The following RAB3B variants were observed in gnomAD, a reference collection of about 807,000 sequenced individuals.
RAB3B encodes the protein RAB3B, member RAS oncogene family, also known as ras-related protein Rab-3B.
RAB3B carries 11 observed loss-of-function variants against 20.5 expected under a neutral mutation model. The observed-to-expected ratio is 0.54, with a 90% CI of 0.34 to 0.89. The LOEUF (loss-of-function observed/expected upper bound fraction) is 0.89. Ranked by LOEUF, RAB3B falls within the 40% of genes least tolerant of loss-of-function variation. The pLI is 0.02. For missense variants in RAB3B, 225 were observed against 280.9 expected (o/e 0.80, Z 1.42); for synonymous variants, 99 against 106.3 (o/e 0.93, Z 0.42).
chr1:51,925,460 A>G (rs1195813730), intron 4 of RAB3B, among the ~76,000 whole-genome samples: 1 of 152,216 alleles, frequency 6.6e-6, no homozygotes, highest in Non-Finnish European at 1.5e-5. Flanking sequence ...TGGAATTGAA[A>G]GAGGTCTGAT....
At chr1:51,950,273 G>A (rs1684620564) in intron 2 of RAB3B, among the ~76,000 whole-genome samples, 1 of 152,208 alleles carries the variant, frequency 6.6e-6, no homozygotes, top group Non-Finnish European at 1.5e-5. Flanking sequence ...TCAGGGACCT[G>A]TCCCTATCTG....
intron 2 of RAB3B, among the ~76,000 whole-genome samples, chr1:51,975,884 C>T (rs1258155940): frequency 2.0e-5 from 3 of 151,870 alleles, no homozygotes; most frequent in South Asian, 4.2e-4. Flanking sequence ...CCCAGCTACT[C>T]GGGAGGCTGA....
At chr1:51,975,645 G>C (rs908368525) in intron 2 of RAB3B, among the ~76,000 whole-genome samples, 2 of 152,228 alleles carry the variant, frequency 1.3e-5, no homozygotes, top group African/African-American at 4.8e-5. Flanking sequence ...TGGGAACGAA[G>C]TAAGGCCTTC....
chr1:51,959,422 G>A (rs184951290), intron 2 of RAB3B, among the ~76,000 whole-genome samples: 2,220 of 152,262 alleles, frequency 0.015, 28 homozygotes, highest in Non-Finnish European at 0.019. Flanking sequence ...TGTGGTGGGA[G>A]GACGGCTTGA....
At chr1:51,981,787 T>C (rs1685092194) in intron 1 of RAB3B, among the ~76,000 whole-genome samples, 1 of 152,212 alleles carries the variant, frequency 6.6e-6, no homozygotes, top group African/African-American at 2.4e-5. Flanking sequence ...GGTAACATTG[T>C]AGCACAACAC....
intron 2 of RAB3B, among the ~76,000 whole-genome samples, chr1:51,948,187 A>C (rs1684589221): frequency 6.6e-6 from 1 of 152,218 alleles, no homozygotes; most frequent in Non-Finnish European, 1.5e-5. Flanking sequence ...AAAAACGGCA[A>C]CTTAGGCTTG....
intron 2 of RAB3B, among the ~76,000 whole-genome samples, chr1:51,958,345 T>C (rs2124285482): frequency 6.6e-6 from 1 of 152,290 alleles, no homozygotes; most frequent in South Asian, 2.1e-4. Context: ...AGACCTCCTC[T>C]TGTGATCAAA....
At chr1:51,965,867 A>G (rs1176628449) in intron 2 of RAB3B, among the ~76,000 whole-genome samples, 2 of 152,170 alleles carry the variant, frequency 1.3e-5, no homozygotes, top group African/African-American at 4.8e-5. Context: ...ATAAAATGTT[A>G]ACATTAGGGC....
At chr1:51,946,105 GATA>G (rs1338172039) in intron 2 of RAB3B, among the ~76,000 whole-genome samples, 2 of 152,160 alleles carry the variant, frequency 1.3e-5, no homozygotes, top group Non-Finnish European at 2.9e-5. Context: ...GTGAGGTGGT[GATA>G]ATAATATTAT....
At chr1:51,943,997 C>G (rs1684529747) in intron 2 of RAB3B, among the ~76,000 whole-genome samples, 1 of 152,150 alleles carries the variant, frequency 6.6e-6, no homozygotes, top group Admixed American at 6.5e-5. Context: ...GTAGACAAAA[C>G]AGCACTGGAA....
In RAB3B at chr1:51,918,465, C is replaced by T. The variant is rs188178911; in HGVS notation, c.*1462G>A. The T allele has an allele frequency of 2.0e-5, 3 of 152,286 alleles. No homozygotes were observed. The highest frequency in any genetic ancestry group is 2.1e-4 in the South Asian group (1 of 4,824). 9.4% of individuals were successfully genotyped at this position (152,286 alleles called of 1,614,324 possible). A position where few individuals can be genotyped will look rare whatever the true frequency, so the allele number is the denominator to read the frequency against. On this transcript the variant is annotated 3_prime_UTR_variant, in exon 5 of 5. Coordinates refer to ENST00000371655, the MANE Select transcript of RAB3B (RefSeq NM_002867.4). ...TTCCTGTTCTCAAATAGTCTGAAGA[C>T]GTCACAGGGCAGAGGGAGCACAGAC...
chr1:51,983,506 C>T (rs1243224456), intron 1 of RAB3B, among the ~76,000 whole-genome samples: 3 of 152,090 alleles, frequency 2.0e-5, no homozygotes, highest in Non-Finnish European at 1.5e-5. Flanking sequence ...GTAAGCTATA[C>T]CATATACCAT....
intron 1 of RAB3B, among the ~76,000 whole-genome samples, chr1:51,987,260 G>A (rs1685164184): frequency 6.6e-6 from 1 of 152,190 alleles, no homozygotes; most frequent in Non-Finnish European, 1.5e-5. Flanking sequence ...AGTGAATGAA[G>A]GAACTTACCT....
chr1:51,928,513 G>A (rs1684278402), intron 4 of RAB3B, among the ~76,000 whole-genome samples: 1 of 152,234 alleles, frequency 6.6e-6, no homozygotes, highest in Non-Finnish European at 1.5e-5. Flanking sequence ...CCATAAAGCA[G>A]AGAATGGCAT....
intron 2 of RAB3B, among the ~76,000 whole-genome samples, chr1:51,941,125 A>G (rs1266327331): frequency 6.6e-6 from 1 of 152,108 alleles, no homozygotes; most frequent in Non-Finnish European, 1.5e-5. Flanking sequence ...ATATAAGGAG[A>G]ACTTTTCTAA....
chr1:51,966,105 G>A (rs904613648), intron 2 of RAB3B, among the ~76,000 whole-genome samples: 1 of 152,186 alleles, frequency 6.6e-6, no homozygotes, highest in Non-Finnish European at 1.5e-5. Flanking sequence ...CTCACCAATC[G>A]CTGCAGAGCC....
intron 2 of RAB3B, among the ~76,000 whole-genome samples, chr1:51,972,489 C>CTTTTTTTTTTTT (rs1160625371): frequency 7.6e-6 from 1 of 130,868 alleles, no homozygotes; most frequent in Admixed American, 7.8e-5. Context: ...TTTCTTTTTT[C>CTTTTTTTTTTTT]TTTTTTTTTT....
At chr1:51,956,010 C>T (rs1309642526) in intron 2 of RAB3B, among the ~76,000 whole-genome samples, 1 of 152,168 alleles carries the variant, frequency 6.6e-6, no homozygotes, top group Middle Eastern at 3.2e-3. Context: ...AGGGGACAAA[C>T]ATCTGAGGAG....
At chr1:51,965,582 G>A (rs1684840045) in intron 2 of RAB3B, among the ~76,000 whole-genome samples, 1 of 151,888 alleles carries the variant, frequency 6.6e-6, no homozygotes, top group African/African-American at 2.4e-5. Flanking sequence ...GGGAAGCGGA[G>A]GTTGCAGTGA....
Sources: allele counts gnomAD v4.1 joint callset (sites outside exome capture counted in the v4.1 genomes callset), GRCh38; gene constraint gnomAD v4.1.1; transcripts MANE v1.5; gene names NCBI Gene and HGNC (gene_info 2026-07-23, HGNC 2026-07-21).